The following EMG1 variants were observed in gnomAD, a reference collection of about 807,000 sequenced individuals.
The protein encoded by EMG1 is ribosomal RNA small subunit methyltransferase NEP1.
Under a neutral mutation model 26.9 loss-of-function variants are expected in EMG1, and 24 were observed. The ratio of observed to expected loss-of-function variants is 0.89; its 90% CI spans 0.65 to 1.26. The LOEUF (loss-of-function observed/expected upper bound fraction) is 1.26. Among genes scored for constraint, EMG1 ranks in the 50% most tolerant of loss-of-function variants. The pLI is 0.00. For synonymous variants in EMG1, 140 were observed against 112.6 expected, an observed-to-expected ratio of 1.24 and a Z score of -1.54; for missense variants, 299 against 307.6, an observed-to-expected ratio of 0.97 and a Z score of 0.21.
intron 1 of EMG1, among the ~76,000 whole-genome samples, chr12:6,971,975 C>G (rs1946335597): frequency 6.6e-6 from 1 of 152,152 alleles, no homozygotes; most frequent in Admixed American, 6.6e-5. Flanking sequence ...CTCCTCCTTT[C>G]TCTTACCCGT....
At chr12:6,994,108 A>G (rs1259628392) in intron 7 of EMG1, among the ~76,000 whole-genome samples, 1 of 152,226 alleles carries the variant, frequency 6.6e-6, no homozygotes. Context: ...GAGTGCTGCA[A>G]TTACAGGTAT....
At chr12:6,974,240 T>G in intron 1 of EMG1, 99 bp from the exon 2 acceptor site, 1 of 840,798 alleles carries the variant, frequency 1.2e-6, no homozygotes, top group Non-Finnish European at 2.0e-6. Context: ...AGTTTCCAGG[T>G]GCAGCTGCTG....
At chr12:6,982,992 GTT>G, downstream of EMG1, 1 of 633,114 alleles carries the variant, frequency 1.6e-6, no homozygotes, top group Middle Eastern at 2.5e-4. Flanking sequence ...TTTTTTGTTT[GTT>G]TTTTTAGAGA....
At chr12:6,982,163 A>G (rs1565598416), downstream of EMG1, among the ~76,000 whole-genome samples, 1 of 151,784 alleles carries the variant, frequency 6.6e-6, no homozygotes, top group Non-Finnish European at 1.5e-5. Context: ...CTAATTTTTA[A>G]TTTTTTTTGT....
chr12:6,974,155 G>A (rs1053500200), intron 1 of EMG1, among the ~76,000 whole-genome samples, 184 bp from the exon 2 acceptor site: 1 of 152,152 alleles, frequency 6.6e-6, no homozygotes, highest in African/African-American at 2.4e-5. Context: ...GTAATCCCCC[G>A]AAGGGCTTGC....
intron 6 of EMG1, among the ~76,000 whole-genome samples, chr12:6,986,850 C>T (rs1946531969): frequency 6.7e-6 from 1 of 149,922 alleles, no homozygotes; most frequent in Non-Finnish European, 1.5e-5. Context: ...TGCGGCAGCT[C>T]ACACCTGTAA....
chr12:6,988,199 T>A (rs1946547352), exon 8 of EMG1: 1 of 172,852 alleles, frequency 5.8e-6, no homozygotes, highest in African/African-American at 2.4e-5. Flanking sequence ...GTTGTTGAGT[T>A]CCAAACAGGT....
At chr12:6,971,222 G>A in intron 1 of EMG1, 131 bp downstream of exon 1, 2 of 747,708 alleles carry the variant, frequency 2.7e-6, no homozygotes, top group South Asian at 3.3e-5. Flanking sequence ...AGGTGGCTTG[G>A]TTGGCTTTGC....
In EMG1 at chr12:6,979,489, G is replaced by GAGAT; in HGVS notation, c.*3683_*3686dup. On this transcript the variant is annotated 3_prime_UTR_variant, in exon 6 of 6. Coordinates refer to ENST00000599672, the MANE Select transcript of EMG1 (RefSeq NM_006331.8). The stretch of plus-strand genomic sequence containing the variant: ...CACTCACGTCATAGTCTTCAGTGAG[G>GAGAT]AGATAGTCTTCTGTGATGTGGGGGC... 6.2e-7 allele frequency: 1 copy of GAGAT among 1,612,778 alleles called. No individual in the cohort carries two copies. The highest frequency in any genetic ancestry group is 8.5e-7 in the Non-Finnish European group (1 of 1,178,720).
intron 1 of EMG1, among the ~76,000 whole-genome samples, chr12:6,973,975 T>C (rs1220320129): frequency 1.3e-5 from 2 of 152,270 alleles, no homozygotes; most frequent in Admixed American, 1.3e-4. Flanking sequence ...TCAGCCTTGC[T>C]AACTACTAAC....
chr12:6,986,849 T>G (rs946530651), intron 6 of EMG1, among the ~76,000 whole-genome samples: 5 of 144,258 alleles, frequency 3.5e-5, no homozygotes, highest in Non-Finnish European at 7.5e-5. Context: ...GTGCGGCAGC[T>G]CACACCTGTA....
chr12:6,992,542 A>G (rs1946599084), downstream of EMG1, among the ~76,000 whole-genome samples: 1 of 152,236 alleles, frequency 6.6e-6, no homozygotes, highest in Non-Finnish European at 1.5e-5. Flanking sequence ...ACATCTTAGT[A>G]GTATCATGAA....
downstream of EMG1, among the ~76,000 whole-genome samples, chr12:6,990,873 C>T (rs1321813268): frequency 2.1e-5 from 3 of 143,534 alleles, no homozygotes; most frequent in Non-Finnish European, 3.0e-5. Context: ...GCTGAGATCA[C>T]GCCACTGTGC....
chr12:6,983,260 A>G (rs1278238860), downstream of EMG1: 5 of 577,710 alleles, frequency 8.7e-6, no homozygotes, highest in Middle Eastern at 2.7e-4. Context: ...AAGAATGTAC[A>G]TAAAAGAAAA....
downstream of EMG1, among the ~76,000 whole-genome samples, chr12:6,992,336 A>C (rs938563728): frequency 5.3e-5 from 8 of 151,810 alleles, no homozygotes; most frequent in African/African-American, 1.5e-4. Context: ...AAAAAAAAAA[A>C]CAAAAAAAAT....
exon 8 of EMG1, chr12:6,988,233 CAT>C (rs1946547742): frequency 6.3e-6 from 1 of 159,436 alleles, no homozygotes; most frequent in South Asian, 2.1e-4. Context: ...CTAGCAAACA[CAT>C]GAGAAGAAGG....
downstream of EMG1, among the ~76,000 whole-genome samples, chr12:6,988,719 T>A (rs1946554335): frequency 6.6e-6 from 1 of 152,112 alleles, no homozygotes; most frequent in African/African-American, 2.4e-5. Context: ...CCCACTAACA[T>A]CCGAATGCAG....
At chr12:6,990,957 A>G (rs1362424929), downstream of EMG1, among the ~76,000 whole-genome samples, 1 of 151,708 alleles carries the variant, frequency 6.6e-6, no homozygotes, top group Non-Finnish European at 1.5e-5. Context: ...CTAAAAAAAA[A>G]GTAAAAGATA....
Position 6,979,840 on chromosome 12 carries a change from A to G in EMG1, c.*4031A>G. 1 of 471,896 alleles carries G rather than the reference A, an allele frequency of 2.1e-6. No individual in the cohort carries two copies. The highest frequency in any genetic ancestry group is 3.8e-6 in the Non-Finnish European group (1 of 260,802). The allele number at this position is 471,896 out of a possible 1,614,324, so 29.2% of individuals were successfully genotyped here. ...TGGACCAGTCTTGTGTTTACCCCTC[A>G]GGGATGCTACTGATCTCAAGGTCTT... On this transcript the variant is annotated 3_prime_UTR_variant, in exon 6 of 6. Transcript: ENST00000599672.
Sources: gnomAD v4.1 joint callset for allele counts (sites outside exome capture counted in the v4.1 genomes callset) on GRCh38, gnomAD v4.1.1 for gene constraint, MANE v1.5 for transcripts, NCBI Gene and HGNC (gene_info 2026-07-23, HGNC 2026-07-21) for gene names.